OGFOD3: variants seen among roughly 807,000 people sequenced by gnomAD.
The protein encoded by OGFOD3 is 2-oxoglutarate and iron dependent oxygenase domain containing 3.
Under a neutral mutation model 39.8 loss-of-function variants are expected in OGFOD3, and 35 were observed. The ratio of observed to expected loss-of-function variants is 0.88; its 90% CI spans 0.67 to 1.17. The LOEUF (loss-of-function observed/expected upper bound fraction) is 1.17, where lower values mean the gene tolerates loss of function less well. Among genes scored for constraint, OGFOD3 ranks in the 50% most tolerant of loss-of-function variants. The pLI, the probability that OGFOD3 is intolerant of heterozygous loss-of-function variation, is 0.00. For missense variants in OGFOD3, 438 were observed against 454.5 expected, an observed-to-expected ratio of 0.96 and a Z score of 0.33; for synonymous variants, 200 against 192.0, an observed-to-expected ratio of 1.04 and a Z score of -0.34.
At position 82,415,655 on chromosome 17, in the gene OGFOD3, C is replaced by T; in HGVS notation, c.75-28G>A. 6.3e-7 allele frequency: 1 copy of T among 1,577,676 alleles called. No individual in the cohort carries two copies. Among genetic ancestry groups the T allele is most frequent in the East Asian group, 2.3e-5 (1 of 43,572 alleles). The stretch of plus-strand genomic sequence containing the variant: ...GAGAACAGAAAACAGGCCACGTCAC[C>T]CAAACACGGAGTGAGGCCAGAGAAA... On this transcript the variant is annotated intron_variant, in intron 1 of 8. Coordinates refer to ENST00000313056, the MANE Select transcript of OGFOD3 (RefSeq NM_024648.3). This position sits in a 1 kb window ranked among gnomAD's most constrained non-coding sequence, Gnocchi z 5.3.
In OGFOD3 at chr17:82,412,821, G is replaced by C. The variant is rs140856456; in HGVS notation, c.305-1291C>G. On this transcript the variant is annotated intron_variant, in intron 2 of 8. Transcript: ENST00000313056. ...CAAGCACCAGGACATGGGGCAAACC[G>C]GGACTCCACAATATGCTTTTCCTCC... Among the ~76,000 whole-genome samples, 459 of 152,290 alleles carry C rather than the reference G, an allele frequency of 3.0e-3. 1 individual carries two copies. Among genetic ancestry groups the C allele is most frequent in the African/African-American group, 0.01 (420 of 41,566 alleles).
chr17:82,406,400 T>C lies in OGFOD3; in HGVS notation c.488+18A>G. The C allele has an allele frequency of 6.2e-7, 1 of 1,612,746 alleles. No individual in the cohort carries two copies. The highest frequency in any genetic ancestry group is 8.5e-7 in the Non-Finnish European group (1 of 1,178,958). ...TCGGCTTTCAGAGCCAGCACTGAGG[T>C]CATGCTGCAGCACTCACCTGTACAG... On this transcript the variant is annotated intron_variant, in intron 5 of 8. Coordinates refer to ENST00000313056, the MANE Select transcript of OGFOD3 (RefSeq NM_024648.3). The surrounding 1 kb of genome is among the most constrained non-coding windows in gnomAD (Gnocchi z 5.2).
intron 2 of OGFOD3, 148 bp from the exon 3 acceptor site, chr17:82,411,678 T>G (rs551903225): frequency 2.1e-4 from 131 of 628,466 alleles, no homozygotes; most frequent in Admixed American, 6.6e-4. Flanking sequence ...TGCATGCGCT[T>G]TGTGCGGTGC....
chr17:82,416,725 C>A (rs1334773539), intron 1 of OGFOD3, among the ~76,000 whole-genome samples: 1 of 151,880 alleles, frequency 6.6e-6, no homozygotes, highest in Admixed American at 6.6e-5. Context: ...GGCTGGAGTG[C>A]AATGGCACGA....
chr17:82,403,773 C>A, intron 7 of OGFOD3, 164 bp downstream of exon 7: 2 of 857,508 alleles, frequency 2.3e-6, no homozygotes, highest in Non-Finnish European at 3.6e-6. Context: ...GCTCACCCTG[C>A]CCACGTGCGT....
chr17:82,397,350 C>T (rs1282046439), intron 8 of OGFOD3, among the ~76,000 whole-genome samples: 11 of 114,886 alleles, frequency 9.6e-5, no homozygotes, highest in African/African-American at 2.0e-4. Flanking sequence ...GTCCTGGGGA[C>T]GGGTAAGGTA....
chr17:82,396,393 TCAGA>T (rs1221792703), intron 8 of OGFOD3, among the ~76,000 whole-genome samples: 3 of 140,900 alleles, frequency 2.1e-5, no homozygotes, highest in African/African-American at 5.3e-5. Context: ...ATACACACAA[TCAGA>T]CAGATGTACG....
chr17:82,395,637 C>T (rs757036272), intron 8 of OGFOD3, among the ~76,000 whole-genome samples: 1 of 151,978 alleles, frequency 6.6e-6, no homozygotes, highest in East Asian at 1.9e-4. Flanking sequence ...CTGGCTAACA[C>T]GGTGAAACCC....
intron 8 of OGFOD3, among the ~76,000 whole-genome samples, chr17:82,397,939 G>A (rs1360652130): frequency 1.3e-5 from 2 of 152,146 alleles, no homozygotes; most frequent in East Asian, 3.8e-4. Flanking sequence ...AATGGATGGT[G>A]CCTGTCAAGG....
rs1216009852 is a variant in OGFOD3 at position 82,392,697 on chromosome 17, G to T, written c.824-163C>A. ...TGGGAACTGCTTCTGCAGGAAGGAG[G>T]AGCTGGAGAAACAAACGCAGCAATG... is the stretch of plus-strand genomic sequence containing the variant. On this transcript the variant is annotated intron_variant, in intron 8 of 8. Coordinates refer to ENST00000313056, the MANE Select transcript of OGFOD3 (RefSeq NM_024648.3). The surrounding 1 kb of genome is among the most constrained non-coding windows in gnomAD (Gnocchi z 4.2). The T allele has an allele frequency of 5.8e-6, 5 of 860,642 alleles. No individual in the cohort carries two copies. Among genetic ancestry groups the T allele is most frequent in the Middle Eastern group, 3.2e-4 (1 of 3,130 alleles). The allele number at this position is 860,642 out of a possible 1,614,324, so 53.3% of individuals were successfully genotyped here.
intron 8 of OGFOD3, among the ~76,000 whole-genome samples, chr17:82,394,178 G>A (rs1009651240): frequency 4.2e-4 from 64 of 151,890 alleles, no homozygotes; most frequent in African/African-American, 1.5e-3. Context: ...TTTTAGTAGA[G>A]ATGTAGTTTC....
intron 8 of OGFOD3, among the ~76,000 whole-genome samples, chr17:82,396,358 C>T (rs901173386): frequency 1.3e-5 from 2 of 150,324 alleles, no homozygotes; most frequent in African/African-American, 2.5e-5. Flanking sequence ...AGATGTACGA[C>T]ATCAAATCAC....
intron 7 of OGFOD3, 65 bp from the exon 8 acceptor site, chr17:82,398,384 C>T: frequency 6.3e-7 from 1 of 1,578,746 alleles, no homozygotes; most frequent in South Asian, 1.1e-5. Flanking sequence ...GCAGGTGCTG[C>T]TTCTCTCTCT....
At chr17:82,418,224 G>A in intron 1 of OGFOD3, 188 bp downstream of exon 1, 1 of 360,024 alleles carries the variant, frequency 2.8e-6, no homozygotes, top group Non-Finnish European at 4.9e-6. Context: ...CGCGGCTCCC[G>A]CCCGCACCTG....
At chr17:82,400,735 A>C (rs1346936699) in intron 7 of OGFOD3, 2 of 152,182 alleles carry the variant, frequency 1.3e-5, no homozygotes, top group Non-Finnish European at 2.9e-5. Context: ...ATTCAAAACT[A>C]AATTTAAAAT....
At chr17:82,411,589 C>G in intron 2 of OGFOD3, 59 bp from the exon 3 acceptor site, 1 of 1,377,912 alleles carries the variant, frequency 7.3e-7, no homozygotes, top group Admixed American at 1.7e-5. Flanking sequence ...CATGCCCTTC[C>G]AGGGAATCAG....
intron 7 of OGFOD3, 78 bp from the exon 8 acceptor site, chr17:82,398,397 T>G: frequency 6.5e-7 from 1 of 1,545,742 alleles, no homozygotes; most frequent in South Asian, 1.2e-5. Context: ...CTCTCTCTTA[T>G]TTTTTGTTTA....
chr17:82,405,205 G>T, intron 6 of OGFOD3, 119 bp downstream of exon 6: 1 of 831,634 alleles, frequency 1.2e-6, no homozygotes, highest in Non-Finnish European at 2.0e-6. Context: ...CACTTCTGCA[G>T]GCCTGGCCCT....
chr17:82,393,769 G>A (rs954719959), intron 8 of OGFOD3: 1 of 152,218 alleles, frequency 6.6e-6, no homozygotes, highest in Non-Finnish European at 1.5e-5. Context: ...CTCTACTGCT[G>A]GCAGACGTGG....
Sources: allele counts gnomAD v4.1 joint callset (sites outside exome capture counted in the v4.1 genomes callset), GRCh38; gene constraint gnomAD v4.1.1; non-coding constraint Gnocchi (gnomAD v3.1); transcripts MANE v1.5; gene names NCBI Gene and HGNC (gene_info 2026-07-23, HGNC 2026-07-21).